TBC1D5: variants seen among roughly 807,000 people sequenced by gnomAD.
TBC1D5 encodes the protein TBC1 domain family member 5.
In TBC1D5, 75 loss-of-function variants were observed where a neutral mutation model predicts 100.3. That is an observed-to-expected ratio of 0.75 (90% CI 0.62 to 0.91). The LOEUF is 0.91. TBC1D5 is among the 40% of genes least tolerant of loss of function. The pLI is 0.00. For synonymous variants in TBC1D5, 323 were observed against 325.6 expected, an observed-to-expected ratio of 0.99 and a Z score of 0.09; for missense variants, 910 against 942.4, an observed-to-expected ratio of 0.97 and a Z score of 0.45.
chr3:17,600,823 C>T (rs973829499), intron 2 of TBC1D5, among the ~76,000 whole-genome samples: 1 of 151,934 alleles, frequency 6.6e-6, no homozygotes, highest in Non-Finnish European at 1.5e-5. Flanking sequence ...TTTGAAAGAC[C>T]GGGCGGGGGA....
chr3:17,306,333 T>A (rs1178013312), intron 14 of TBC1D5, among the ~76,000 whole-genome samples: 1 of 152,222 alleles, frequency 6.6e-6, no homozygotes, highest in Non-Finnish European at 1.5e-5. Flanking sequence ...GTTGGTAAAC[T>A]TCTTGAGGAC....
intron 1 of TBC1D5, among the ~76,000 whole-genome samples, chr3:17,705,844 G>A (rs1210682217): frequency 6.7e-6 from 1 of 149,842 alleles, no homozygotes; most frequent in Admixed American, 6.6e-5. Context: ...CCCAGACGGG[G>A]TGGCGGCCGG....
chr3:17,170,318 C>A (rs949723981), intron 19 of TBC1D5, among the ~76,000 whole-genome samples: 2 of 152,064 alleles, frequency 1.3e-5, no homozygotes, highest in Admixed American at 1.3e-4. Context: ...GCTCCCAGGC[C>A]CCCAAAGGAA....
intron 1 of TBC1D5, among the ~76,000 whole-genome samples, chr3:17,690,904 A>G (rs1219466211): frequency 2.0e-5 from 3 of 152,242 alleles, no homozygotes; most frequent in Non-Finnish European, 2.9e-5. Context: ...TTCCAGCAGT[A>G]CGTAAAGCTA....
chr3:17,171,862 T>C (rs2067202719), intron 19 of TBC1D5, among the ~76,000 whole-genome samples: 2 of 152,162 alleles, frequency 1.3e-5, no homozygotes, highest in Non-Finnish European at 2.9e-5. Flanking sequence ...TAAAAGACAA[T>C]GCAACCTACT....
intron 4 of TBC1D5, among the ~76,000 whole-genome samples, chr3:17,409,158 A>G (rs867962049): frequency 1.3e-5 from 2 of 152,284 alleles, no homozygotes; most frequent in Admixed American, 6.5e-5. Context: ...CCTTGCATTG[A>G]GCAAGTCTAT....
chr3:17,301,662 CTTAG>C (rs1377276189), intron 14 of TBC1D5, among the ~76,000 whole-genome samples: 3 of 152,234 alleles, frequency 2.0e-5, no homozygotes, highest in East Asian at 1.9e-4. Flanking sequence ...TAATGTAGCA[CTTAG>C]TTAGTGGTAT....
At chr3:17,297,322 A>T (rs2082350722) in intron 14 of TBC1D5, among the ~76,000 whole-genome samples, 3 of 152,224 alleles carry the variant, frequency 2.0e-5, no homozygotes, top group Admixed American at 2.0e-4. Flanking sequence ...CACGCCTGTA[A>T]TCCCAGAACT....
chr3:17,349,791 G>A (rs1312637223), intron 13 of TBC1D5, among the ~76,000 whole-genome samples: 2 of 152,100 alleles, frequency 1.3e-5, no homozygotes, highest in Non-Finnish European at 2.9e-5. Context: ...ACCAAGAGAA[G>A]TCACTTTAAC....
rs75646280 is a variant in TBC1D5, at chr3:17,266,747, G to C, written c.1246-8156C>G. Among the ~76,000 whole-genome samples, 1,355 of 152,098 alleles carry C rather than the reference G, an allele frequency of 8.9e-3. 17 individuals carry two copies. Among genetic ancestry groups the C allele is most frequent in the African/African-American group, 0.031 (1,278 of 41,500 alleles). On this transcript the variant is annotated intron_variant, in intron 15 of 21. Transcript: ENST00000253692. Reference sequence around the variant, plus strand: ...GACTAAAATATTATTTCAGCATCAGGATCAAAATGACTTCTGGTTTATTTA... The same window carrying C: ...GACTAAAATATTATTTCAGCATCAGCATCAAAATGACTTCTGGTTTATTTA...
chr3:17,436,868 A>G (rs1012111863), intron 3 of TBC1D5, among the ~76,000 whole-genome samples: 1 of 152,236 alleles, frequency 6.6e-6, no homozygotes, highest in Non-Finnish European at 1.5e-5. Context: ...TGATTCTGCA[A>G]CTAAATGGGA....
At chr3:17,513,395 C>T (rs1369014608) in intron 2 of TBC1D5, among the ~76,000 whole-genome samples, 5 of 151,590 alleles carry the variant, frequency 3.3e-5, no homozygotes, top group Non-Finnish European at 5.9e-5. Context: ...AAACTATGAG[C>T]ATTGAACAGA....
intron 19 of TBC1D5, among the ~76,000 whole-genome samples, chr3:17,178,331 CT>C (rs1242816661): frequency 2.0e-5 from 3 of 152,016 alleles, no homozygotes; most frequent in African/African-American, 7.2e-5. Flanking sequence ...TCCCAAAGTG[CT>C]GGGATTACAG....
chr3:17,525,096 T>C (rs1215984769), intron 2 of TBC1D5, among the ~76,000 whole-genome samples: 2 of 152,206 alleles, frequency 1.3e-5, no homozygotes. Context: ...ATTCTCCAAC[T>C]GTATACATAA....
intron 2 of TBC1D5, among the ~76,000 whole-genome samples, chr3:17,525,558 T>C (rs2096123268): frequency 6.6e-6 from 1 of 152,220 alleles, no homozygotes; most frequent in African/African-American, 2.4e-5. Flanking sequence ...TGTTTCTTAT[T>C]ACATTACTTT....
chr3:17,312,884 A>G (rs1467537165), intron 13 of TBC1D5, among the ~76,000 whole-genome samples: 1 of 152,206 alleles, frequency 6.6e-6, no homozygotes, highest in Non-Finnish European at 1.5e-5. Context: ...TGTTGGGTAC[A>G]GAAGATGACC....
At chr3:17,558,080 C>G (rs1222368504) in intron 2 of TBC1D5, among the ~76,000 whole-genome samples, 1 of 152,098 alleles carries the variant, frequency 6.6e-6, no homozygotes, top group African/African-American at 2.4e-5. Flanking sequence ...TTTCAAGAAC[C>G]CTTGTTCTAC....
chr3:17,603,090 A>T (rs1174988240), intron 2 of TBC1D5, among the ~76,000 whole-genome samples: 2 of 152,014 alleles, frequency 1.3e-5, no homozygotes, highest in Non-Finnish European at 2.9e-5. Flanking sequence ...GACTATCTCC[A>T]TCCTCTCTCC....
intron 3 of TBC1D5, among the ~76,000 whole-genome samples, chr3:17,436,678 A>G (rs1370941256): frequency 6.6e-6 from 1 of 152,208 alleles, no homozygotes; most frequent in Non-Finnish European, 1.5e-5. Context: ...CAGCCTTGAA[A>G]TATAAAGCCA....
Sources: gnomAD v4.1 joint callset for allele counts (sites outside exome capture counted in the v4.1 genomes callset) on GRCh38, gnomAD v4.1.1 for gene constraint, MANE v1.5 for transcripts, NCBI Gene and HGNC (gene_info 2026-07-23, HGNC 2026-07-21) for gene names.